SAP30BP: variants seen among roughly 807,000 people sequenced by gnomAD.
The protein encoded by SAP30BP is SAP30-binding protein.
A neutral mutation model predicts 46.3 loss-of-function variants in SAP30BP; 31 were observed. The ratio of observed to expected loss-of-function variants is 0.67; its 90% CI spans 0.50 to 0.90. The LOEUF (loss-of-function observed/expected upper bound fraction) is 0.90, where lower values mean the gene tolerates loss of function less well. Ranked by LOEUF, SAP30BP falls within the 40% of genes least tolerant of loss-of-function variation. The pLI, the probability that SAP30BP is intolerant of heterozygous loss-of-function variation, is 0.00. For missense variants in SAP30BP, 312 were observed against 391.0 expected (o/e 0.80, Z 1.70); for synonymous variants, 169 against 144.2 (o/e 1.17, Z -1.23).
intron 3 of SAP30BP, among the ~76,000 whole-genome samples, chr17:75,681,767 C>T (rs374053048): frequency 3.9e-5 from 6 of 152,294 alleles, no homozygotes; most frequent in Non-Finnish European, 5.9e-5. Context: ...CTGGTATATT[C>T]GCTGCCCTTC....
Position 75,688,045 on chromosome 17 carries a change from G to A in SAP30BP, c.265-5395G>A, listed in dbSNP as rs1181050699. On this transcript the variant is annotated intron_variant, in intron 3 of 10. Transcript: ENST00000584667. Reference sequence around the variant, plus strand: ...GTGATTTTTGTGAGTACACAGAGTAGAGTAGTTTGTCTTCATCGGCCAGGT... The same window carrying A: ...GTGATTTTTGTGAGTACACAGAGTAAAGTAGTTTGTCTTCATCGGCCAGGT... Among the ~76,000 whole-genome samples, 5 of 152,046 alleles carry A rather than the reference G, an allele frequency of 3.3e-5. No individual in the cohort carries two copies. In the East Asian group the frequency reaches 7.7e-4, roughly 23 times the overall value.
chr17:75,699,649 C>A lies in SAP30BP; in HGVS notation c.308-134C>A, dbSNP rs147598618. 1,074 of 602,642 alleles carry A rather than the reference C, an allele frequency of 1.8e-3. 10 individuals are homozygous for A. The highest frequency in any genetic ancestry group is 0.018 in the African/African-American group (967 of 54,966). 37.3% of individuals were successfully genotyped at this position (602,642 alleles called of 1,614,324 possible). A position where few individuals can be genotyped will look rare whatever the true frequency, so the allele number is the denominator to read the frequency against. On this transcript the variant is annotated intron_variant, in intron 4 of 10. Coordinates refer to ENST00000584667, the MANE Select transcript of SAP30BP (RefSeq NM_013260.8). ...AGATGACACCTCAGAGAGGCCACAT[C>A]CGAACACTCAGTTGTACTGTTTTCA...
At chr17:75,701,831 G>C (rs2060415844) in intron 5 of SAP30BP, among the ~76,000 whole-genome samples, 1 of 152,100 alleles carries the variant, frequency 6.6e-6, no homozygotes, top group East Asian at 1.9e-4. Flanking sequence ...GATGATTCTG[G>C]AACTGATTAA....
At chr17:75,680,570 C>T (rs917605947) in intron 3 of SAP30BP, among the ~76,000 whole-genome samples, 1 of 152,190 alleles carries the variant, frequency 6.6e-6, no homozygotes, top group African/African-American at 2.4e-5. Context: ...AGAGAATGTA[C>T]ATGAAGGTGC....
intron 3 of SAP30BP, chr17:75,691,430 A>G (rs79667318): frequency 2.2e-6 from 1 of 456,480 alleles, no homozygotes; most frequent in South Asian, 1.5e-5. Context: ...GCCTGGCAGC[A>G]CACACACCCC....
intron 5 of SAP30BP, 62 bp downstream of exon 5, chr17:75,699,933 T>C: frequency 7.9e-7 from 1 of 1,265,040 alleles, no homozygotes; most frequent in Non-Finnish European, 1.2e-6. Flanking sequence ...ACGTGTTTGG[T>C]TTGGTCTTAA....
chr17:75,673,535 T>C (rs1317324375), intron 3 of SAP30BP, among the ~76,000 whole-genome samples: 1 of 151,904 alleles, frequency 6.6e-6, no homozygotes, highest in Non-Finnish European at 1.5e-5. Context: ...GGTCCTAGAG[T>C]CTTTCTGGGT....
chr17:75,703,261 A>G (rs760922633), intron 6 of SAP30BP, 50 bp from the exon 7 acceptor site: 14 of 1,561,714 alleles, frequency 9.0e-6, no homozygotes, highest in Non-Finnish European at 1.1e-5. Context: ...TTCAGGTCCC[A>G]TGCAGGGACG....
chr17:75,698,245 C>T (rs1483214931), intron 4 of SAP30BP, among the ~76,000 whole-genome samples: 1 of 152,190 alleles, frequency 6.6e-6, no homozygotes, highest in African/African-American at 2.4e-5. Flanking sequence ...TGTGGTTCTT[C>T]CCATCAGAAT....
intron 9 of SAP30BP, chr17:75,705,102 C>T: frequency 2.4e-6 from 1 of 413,430 alleles, no homozygotes; most frequent in Non-Finnish European, 4.5e-6. Context: ...TCATGGGGGC[C>T]CTTTGTAGCC....
chr17:75,694,978 G>A (rs2060295205), intron 4 of SAP30BP, among the ~76,000 whole-genome samples: 2 of 152,168 alleles, frequency 1.3e-5, no homozygotes, highest in African/African-American at 4.8e-5. Context: ...AATGTGTATA[G>A]TTGTGTTAGC....
At chr17:75,679,504 G>A (rs977810976) in intron 3 of SAP30BP, 10 of 152,162 alleles carry the variant, frequency 6.6e-5, no homozygotes, top group African/African-American at 2.2e-4. Flanking sequence ...TTGCTCTGAT[G>A]TTTGGGGTTA....
intron 3 of SAP30BP, among the ~76,000 whole-genome samples, chr17:75,687,245 T>C (rs1039043168): frequency 4.6e-5 from 7 of 152,188 alleles, no homozygotes; most frequent in African/African-American, 1.7e-4. Flanking sequence ...AAATTATCTG[T>C]GGAAAAAATA....
intron 3 of SAP30BP, among the ~76,000 whole-genome samples, chr17:75,673,768 C>T (rs1488521867): frequency 6.6e-6 from 1 of 152,056 alleles, no homozygotes; most frequent in Non-Finnish European, 1.5e-5. Context: ...GTGGGAGGGA[C>T]CCAAAAAAGG....
chr17:75,684,819 ACT>A (rs2060133103), intron 3 of SAP30BP: 1 of 151,820 alleles, frequency 6.6e-6, no homozygotes, highest in Non-Finnish European at 1.5e-5. Flanking sequence ...CATGAAAGTC[ACT>A]CTTCAATTGT....
intron 3 of SAP30BP, chr17:75,690,670 G>C (rs1199802864): frequency 2.2e-6 from 1 of 456,454 alleles, no homozygotes; most frequent in Non-Finnish European, 4.4e-6. Flanking sequence ...TTCTTCTTTA[G>C]GAGAAGCTCG....
In SAP30BP at chr17:75,708,024, T is replaced by TA. The variant is rs2060524083; in HGVS notation, c.*1504dup. On this transcript the variant is annotated 3_prime_UTR_variant, in exon 11 of 11. Transcript: ENST00000584667. ...TGGTTGGGAAGAACCAGAGGTGACT[T>TA]ATGCAAAAGCTTTATAAACTGTAAA... is the stretch of plus-strand genomic sequence containing the variant. The TA allele has an allele frequency of 1.3e-5, 2 of 152,226 alleles. No homozygotes were observed. Among genetic ancestry groups the TA allele is most frequent in the Non-Finnish European group, 2.9e-5 (2 of 68,036 alleles). 9.4% of individuals were successfully genotyped at this position (152,226 alleles called of 1,614,324 possible). A position where few individuals can be genotyped will look rare whatever the true frequency, so the allele number is the denominator to read the frequency against.
At chr17:75,678,007 A>C (rs1762641497) in intron 3 of SAP30BP, among the ~76,000 whole-genome samples, 1 of 152,114 alleles carries the variant, frequency 6.6e-6, no homozygotes, top group South Asian at 2.1e-4. Flanking sequence ...ATGTCCGTTA[A>C]GTTGTTAGCC....
chr17:75,704,548 C>A (rs915827633), intron 8 of SAP30BP, among the ~76,000 whole-genome samples: 1 of 152,236 alleles, frequency 6.6e-6, no homozygotes, highest in East Asian at 1.9e-4. Context: ...CCCTTCCGGG[C>A]ACACACAGGG....
Sources: allele counts gnomAD v4.1 joint callset (sites outside exome capture counted in the v4.1 genomes callset), GRCh38; gene constraint gnomAD v4.1.1; transcripts MANE v1.5; gene names NCBI Gene and HGNC (gene_info 2026-07-23, HGNC 2026-07-21).